MEGF10: variants seen among roughly 807,000 people sequenced by gnomAD.
MEGF10 encodes multiple epidermal growth factor-like domains protein 10.
Under a neutral mutation model 147.5 loss-of-function variants are expected in MEGF10, and 86 were observed. The ratio of observed to expected loss-of-function variants is 0.58; its 90% confidence interval spans 0.49 to 0.70. The LOEUF is 0.70. Among genes scored for constraint, MEGF10 ranks in the 30% least tolerant of loss-of-function variants. The pLI is 0.00. For missense variants in MEGF10, 1,329 were observed against 1,487.3 expected, an observed-to-expected ratio of 0.89 and a Z score of 1.75; for synonymous variants, 478 against 525.5, an observed-to-expected ratio of 0.91 and a Z score of 1.24.
At chr5:127,434,497 C>A (rs1246871371) in intron 14 of MEGF10, among the ~76,000 whole-genome samples, 190 bp from the exon 15 acceptor site, 1 of 152,202 alleles carries the variant, frequency 6.6e-6, no homozygotes. Flanking sequence ...TTAGTGGCTT[C>A]TTTTCCTCAT....
chr5:127,310,770 G>T (rs2585189), intron 1 of MEGF10, among the ~76,000 whole-genome samples: 1 of 151,912 alleles, frequency 6.6e-6, no homozygotes, highest in Non-Finnish European at 1.5e-5. Flanking sequence ...ATCATTTGTA[G>T]TATAGGGGCT....
At chr5:127,442,044 A>AT (rs1765776420) in intron 18 of MEGF10, among the ~76,000 whole-genome samples, 1 of 152,246 alleles carries the variant, frequency 6.6e-6, no homozygotes, top group African/African-American at 2.4e-5. Context: ...TCTATTGTGC[A>AT]TATAAATATT....
upstream of MEGF10, among the ~76,000 whole-genome samples, chr5:127,287,492 T>A (rs1383263335): frequency 2.6e-5 from 4 of 151,992 alleles, no homozygotes; most frequent in Non-Finnish European, 4.4e-5. Context: ...ATTTATGAAA[T>A]ATTAAAAATA....
intron 9 of MEGF10, among the ~76,000 whole-genome samples, chr5:127,416,035 G>GTTTTC (rs770649214): frequency 1.5e-5 from 2 of 133,628 alleles, no homozygotes; most frequent in African/African-American, 5.7e-5. Context: ...TTTTGTTTTT[G>GTTTTC]GTTTTGTTTT....
intron 5 of MEGF10, among the ~76,000 whole-genome samples, chr5:127,377,116 G>A (rs1763060256): frequency 6.6e-6 from 1 of 152,212 alleles, no homozygotes; most frequent in South Asian, 2.1e-4. Flanking sequence ...GAATGTTGGG[G>A]CAGATTCTAT....
chr5:127,354,233 A>G (rs1233150410), intron 4 of MEGF10, among the ~76,000 whole-genome samples: 1 of 152,192 alleles, frequency 6.6e-6, no homozygotes, highest in Non-Finnish European at 1.5e-5. Context: ...TTTAAGCCCA[A>G]ATTTTGAGGC....
At chr5:127,409,674 A>G (rs1734450059) in intron 8 of MEGF10, 1 of 152,494 alleles carries the variant, frequency 6.6e-6, no homozygotes, top group South Asian at 2.1e-4. Context: ...ACTCCTTGCC[A>G]TTTGGCAGCC....
At chr5:127,452,742 C>T (rs912909768) in intron 22 of MEGF10, among the ~76,000 whole-genome samples, 1 of 152,340 alleles carries the variant, frequency 6.6e-6, no homozygotes, top group South Asian at 2.1e-4. Context: ...AACAAAAGCA[C>T]TCCTATTGGG....
intron 5 of MEGF10, among the ~76,000 whole-genome samples, chr5:127,390,800 G>C (rs1164093061): frequency 2.6e-5 from 4 of 151,992 alleles, no homozygotes; most frequent in Non-Finnish European, 5.9e-5. Context: ...TATAGCTTTG[G>C]AGAGAGTGAA....
At chr5:127,339,627 A>AT (rs556257875) in intron 3 of MEGF10, among the ~76,000 whole-genome samples, 26 of 151,968 alleles carry the variant, frequency 1.7e-4, no homozygotes, top group Non-Finnish European at 2.2e-4. Context: ...AACAAGATGT[A>AT]TTTTTTTTCT....
At chr5:127,247,484 A>G in the MEGF10 span, among the ~76,000 whole-genome samples, 428 of 149,516 alleles carry the variant, frequency 2.9e-3, 9 homozygotes, top group African/African-American at 8.2e-3. Context: ...AAGAAGAAGA[A>G]GAAAAATTTA....
the MEGF10 span, among the ~76,000 whole-genome samples, chr5:127,242,194 A>T: frequency 1.7e-3 from 252 of 152,346 alleles, 1 homozygote; most frequent in Non-Finnish European, 2.7e-3. Flanking sequence ...CAGTGGCATT[A>T]TCATAGGATG....
chr5:127,344,001 A>G (rs138090527), intron 4 of MEGF10, among the ~76,000 whole-genome samples: 510 of 152,244 alleles, frequency 3.3e-3, no homozygotes, highest in Non-Finnish European at 4.3e-3. Context: ...AGCTTAGTTT[A>G]ACTTGTTTTG....
At chr5:127,355,325 C>A (rs908202173) in intron 4 of MEGF10, among the ~76,000 whole-genome samples, 2 of 151,434 alleles carry the variant, frequency 1.3e-5, no homozygotes, top group African/African-American at 2.4e-5. Flanking sequence ...AAAAAAAAAA[C>A]CATAGTCTTT....
chr5:127,326,616 A>G (rs915909042), intron 1 of MEGF10, among the ~76,000 whole-genome samples: 3 of 152,214 alleles, frequency 2.0e-5, no homozygotes, highest in Non-Finnish European at 2.9e-5. Context: ...TCCAGGAAGA[A>G]CTTAGCACAC....
intron 20 of MEGF10, among the ~76,000 whole-genome samples, chr5:127,446,001 G>T (rs951982415): frequency 2.0e-5 from 3 of 152,166 alleles, no homozygotes; most frequent in African/African-American, 7.2e-5. Context: ...ATGTGAGGGG[G>T]GTGAGGAGGA....
At chr5:127,311,982 G>T (rs531983964) in intron 1 of MEGF10, among the ~76,000 whole-genome samples, 3 of 152,118 alleles carry the variant, frequency 2.0e-5, no homozygotes, top group Non-Finnish European at 4.4e-5. Context: ...CATAATTACC[G>T]CAGGAGCTAG....
At chr5:127,238,902 A>G in the MEGF10 span, among the ~76,000 whole-genome samples, 1 of 152,156 alleles carries the variant, frequency 6.6e-6, no homozygotes, top group Non-Finnish European at 1.5e-5. Flanking sequence ...TCTATAGGAT[A>G]TGAACTCAAT....
chr5:127,372,605 C>T (rs979067363), intron 5 of MEGF10, among the ~76,000 whole-genome samples: 9 of 152,198 alleles, frequency 5.9e-5, no homozygotes, highest in Non-Finnish European at 1.2e-4. Context: ...CTCAGTCTTT[C>T]CTTGTTTTCA....
Sources: allele counts gnomAD v4.1 joint callset (sites outside exome capture counted in the v4.1 genomes callset), GRCh38; gene constraint gnomAD v4.1.1; transcripts MANE v1.5; gene names NCBI Gene and HGNC (gene_info 2026-07-23, HGNC 2026-07-21).